The following ZNF394 variants were observed in gnomAD, a reference collection of about 807,000 sequenced individuals.
ZNF394 encodes the protein zinc finger protein 394, also known as zinc finger protein 99.
Under a neutral mutation model 21.8 loss-of-function variants are expected in ZNF394, and 19 were observed. The ratio of observed to expected loss-of-function variants is 0.87; its 90% confidence interval spans 0.61 to 1.28. The LOEUF is 1.28. Among genes scored for constraint, ZNF394 ranks in the 50% most tolerant of loss-of-function variants. The pLI, the probability that ZNF394 is intolerant of heterozygous loss-of-function variation, is 0.00. For synonymous variants in ZNF394, 294 were observed against 273.3 expected, an observed-to-expected ratio of 1.08 and a Z score of -0.75; for missense variants, 683 against 708.6, an observed-to-expected ratio of 0.96 and a Z score of 0.41.
downstream of ZNF394, among the ~76,000 whole-genome samples, chr7:99,490,146 CTTTTT>C (rs943034221): frequency 4.5e-5 from 4 of 89,194 alleles, no homozygotes; most frequent in South Asian, 4.6e-4. Flanking sequence ...AAAACCTCAT[CTTTTT>C]TTTTTTTTTT....
At chr7:99,488,930 CA>C (rs1182283444), downstream of ZNF394, among the ~76,000 whole-genome samples, 846 of 51,380 alleles carry the variant, frequency 0.016, 3 homozygotes, top group African/African-American at 0.048. Context: ...GACTCCATCT[CA>C]AAAAAAAAAA....
chr7:99,497,925 G>A (rs1374000782), intron 2 of ZNF394: 1 of 151,056 alleles, frequency 6.6e-6, no homozygotes, highest in Middle Eastern at 3.2e-3. Context: ...TAAAAGTCAT[G>A]TGAATGTGGT....
At chr7:99,487,391 G>A (rs142254408) in intron 1 of ZNF394, 1 of 1,614,098 alleles carries the variant, frequency 6.2e-7, no homozygotes, top group African/African-American at 1.3e-5. Context: ...CACACTGGAA[G>A]CCAACCCTAC....
At chr7:99,491,024 T>C (rs1800151005), downstream of ZNF394, among the ~76,000 whole-genome samples, 1 of 151,990 alleles carries the variant, frequency 6.6e-6, no homozygotes, top group East Asian at 1.9e-4. Context: ...GACTGCTGTT[T>C]CCTGATGATA....
At chr7:99,490,346 G>A (rs1182946801), downstream of ZNF394, among the ~76,000 whole-genome samples, 1 of 151,874 alleles carries the variant, frequency 6.6e-6, no homozygotes, top group Non-Finnish European at 1.5e-5. Flanking sequence ...GTAGAGATGG[G>A]GTTTCGTTCG....
exon 2 of ZNF394, chr7:99,486,859 G>T (rs1237458049): frequency 1.9e-6 from 3 of 1,614,104 alleles, no homozygotes; most frequent in South Asian, 2.2e-5. Flanking sequence ...GGCATGGTTT[G>T]ATCAACATCA....
downstream of ZNF394, among the ~76,000 whole-genome samples, chr7:99,488,856 G>A (rs572932293): frequency 8.6e-5 from 13 of 150,606 alleles, no homozygotes; most frequent in South Asian, 8.4e-4. Context: ...TACCTCAACC[G>A]GGAGGCAGAG....
intron 2 of ZNF394, among the ~76,000 whole-genome samples, chr7:99,497,128 A>ATATATATATATATG: frequency 8.6e-6 from 1 of 116,050 alleles, no homozygotes; most frequent in South Asian, 2.6e-4. Flanking sequence ...GTGTGTATAT[A>ATATATATATATATG]TATATATATA....
downstream of ZNF394, among the ~76,000 whole-genome samples, chr7:99,492,116 T>C (rs2151079761): frequency 6.7e-6 from 1 of 149,510 alleles, no homozygotes; most frequent in South Asian, 2.1e-4. Flanking sequence ...GTCATAAAAC[T>C]GAACTCCTAG....
At position 99,494,167 on chromosome 7, in the gene ZNF394, T is replaced by C. The variant is rs761048588; in HGVS notation, c.1048A>G (p.Arg350Gly). ...FHHSSLFETQ[R>G]QLHEERPYKC... ...TAAGGTCTTTCTTCATGGAGCTGCC[T>C]CTGGGTCTCAAAAAGGCTGGAATGA... The change falls in exon 3 of 3, where the codon AGG becomes GGG. Residue 350 changes from arginine to glycine, a missense_variant. Physicochemically the swap from Arg to Gly is moderately radical, Grantham distance 125 (BLOSUM62 -2). Transcript: ENST00000337673. 1.9e-6 allele frequency: 3 copies of C among 1,614,250 alleles called. No individual in the cohort carries two copies. The Admixed American group carries it at 5.0e-5, about 27-fold the overall frequency.
downstream of ZNF394, among the ~76,000 whole-genome samples, chr7:99,490,143 CATCTTTTT>C (rs1241784838): frequency 1.4e-5 from 2 of 143,806 alleles, no homozygotes; most frequent in African/African-American, 5.3e-5. Flanking sequence ...GGCAAAACCT[CATCTTTTT>C]TTTTTTTTTT....
At chr7:99,499,290 C>T (rs1216353860) in intron 1 of ZNF394, among the ~76,000 whole-genome samples, 1 of 151,460 alleles carries the variant, frequency 6.6e-6, no homozygotes, top group African/African-American at 2.4e-5. Context: ...GCAGGAGAAT[C>T]GCTTGAACCC....
At chr7:99,498,979 C>T (rs1800425674) in intron 1 of ZNF394, 137 bp from the exon 2 acceptor site, 11 of 1,272,130 alleles carry the variant, frequency 8.6e-6, no homozygotes, top group Non-Finnish European at 1.2e-5. Context: ...CCTGAAAAGC[C>T]TTTCTGTGGA....
intron 1 of ZNF394, among the ~76,000 whole-genome samples, 186 bp from the exon 2 acceptor site, chr7:99,499,028 ATTTC>A (rs1212750554): frequency 6.6e-6 from 1 of 152,188 alleles, no homozygotes; most frequent in Non-Finnish European, 1.5e-5. Context: ...GGAGCAAAAT[ATTTC>A]TTTAACTTAT....
At chr7:99,498,558 C>CT in intron 2 of ZNF394, 158 bp downstream of exon 2, 1 of 943,758 alleles carries the variant, frequency 1.1e-6, no homozygotes, top group Non-Finnish European at 1.5e-6. Flanking sequence ...AAAGCTGAAT[C>CT]TAGCACCTAG....
chr7:99,487,211 T>G (rs1277442526), intron 1 of ZNF394: 1 of 1,614,182 alleles, frequency 6.2e-7, no homozygotes, highest in Admixed American at 1.7e-5. Flanking sequence ...CATCAACAGA[T>G]TCACAGTAAA....
At chr7:99,494,707 T>G in intron 2 of ZNF394, 76 bp from the exon 3 acceptor site, 1 of 1,497,432 alleles carries the variant, frequency 6.7e-7, no homozygotes. Context: ...GGCAGAATGT[T>G]AAACCCTCAA....
downstream of ZNF394, among the ~76,000 whole-genome samples, chr7:99,489,157 G>A (rs188000445): frequency 2.4e-3 from 370 of 151,390 alleles, 1 homozygote; most frequent in Non-Finnish European, 4.2e-3. Context: ...GGTGGTGCGC[G>A]CCTGTAGTCC....
rs1800461414 is a variant in ZNF394 at position 99,499,843 on chromosome 7, C to T, written c.251G>A (p.Arg84Gln). Residue 84 changes from arginine (R) to glutamine (Q), a missense_variant, in exon 1 of 3, where the codon CGG becomes CAG. Around this residue, in one of 3 missense-constraint regions of ZNF394, gnomAD observed 402 missense variants for 373.8 expected, o/e 1.08. Transcript: ENST00000337673. ...CCACCGACGACAGAGTTCTCGGAGC[C>T]GGCTCAGCGCCTCTTCCGGTCCAGC... ...EVAGPEEALSRLRELCRRWLR... is the reference protein window; with the variant it reads ...EVAGPEEALSQLRELCRRWLR... 3 of 1,614,172 alleles carry T rather than the reference C, an allele frequency of 1.9e-6. No homozygotes were observed. Among genetic ancestry groups the T allele is most frequent in the Non-Finnish European group, 1.7e-6 (2 of 1,180,036 alleles).
Sources: allele counts gnomAD v4.1 joint callset (sites outside exome capture counted in the v4.1 genomes callset), GRCh38; gene constraint gnomAD v4.1.1; regional missense constraint gnomAD v4.1.1; transcripts MANE v1.5; gene names NCBI Gene and HGNC (gene_info 2026-07-23, HGNC 2026-07-21).